The following SCFD1 variants were observed in gnomAD, a reference collection of about 807,000 sequenced individuals.
The protein encoded by SCFD1 is sec1 family domain-containing protein 1.
In SCFD1, 37 loss-of-function variants were observed where a neutral mutation model predicts 103.2. The observed-to-expected ratio is 0.36, with a 90% CI of 0.28 to 0.47. The LOEUF (loss-of-function observed/expected upper bound fraction) is 0.47. SCFD1 is among the 20% of genes least tolerant of loss of function. The pLI, the probability that SCFD1 is intolerant of heterozygous loss-of-function variation, is 1.00. For synonymous variants in SCFD1, 264 were observed against 245.0 expected, an observed-to-expected ratio of 1.08 and a Z score of -0.73; for missense variants, 639 against 761.2, an observed-to-expected ratio of 0.84 and a Z score of 1.89.
At chr14:30,630,347 T>A in intron 2 of SCFD1, 130 bp from the exon 3 acceptor site, 1 of 665,016 alleles carries the variant, frequency 1.5e-6, no homozygotes, top group Non-Finnish European at 2.7e-6. Context: ...ATGGAAAATG[T>A]TAAATTGAGG....
In SCFD1 at chr14:30,650,611, G is replaced by C. The variant is rs1395436463; in HGVS notation, c.716G>C (p.Ser239Thr). Residue 239 changes from serine (S) to threonine (T), a missense_variant, in exon 9 of 25, where the codon AGT becomes ACT. Physicochemically the swap from Ser to Thr is moderately conservative, Grantham distance 58. Transcript: ENST00000458591. ...LRENLRDARNSLFTGDTLGAG... is the reference protein window; with the variant it reads ...LRENLRDARNTLFTGDTLGAG... ...GAAAATCTAAGAGATGCAAGAAACA[G>C]TCTTTTTACAGGTGATACACTTGGA... is the stretch of plus-strand genomic sequence containing the variant. 1 of 1,610,646 alleles carries C rather than the reference G, an allele frequency of 6.2e-7. No homozygotes were observed.
intron 5 of SCFD1, among the ~76,000 whole-genome samples, chr14:30,638,878 T>A (rs894892072): frequency 1.3e-5 from 2 of 152,218 alleles, no homozygotes; most frequent in African/African-American, 4.8e-5. Flanking sequence ...TCCAGACAAC[T>A]ATCTAGGACA....
Position 30,699,434 on chromosome 14 carries a change from A to G in SCFD1, c.1340-754A>G, listed in dbSNP as rs188329650. On this transcript the variant is annotated intron_variant, in intron 15 of 24. Coordinates refer to ENST00000458591, the MANE Select transcript of SCFD1 (RefSeq NM_016106.4). ...CAATGCTTTATCACCTTTCCACCAA[A>G]GTGCACATACATGATAGAAGAACAG... is the stretch of plus-strand genomic sequence containing the variant. Among the ~76,000 whole-genome samples, 31 of 152,232 alleles carry G rather than the reference A, an allele frequency of 2.0e-4. No homozygotes were observed. In the East Asian group the frequency reaches 5.8e-3, roughly 28 times the overall value.
chr14:30,727,687 CT>C (rs1276786632), intron 23 of SCFD1, among the ~76,000 whole-genome samples: 4 of 152,090 alleles, frequency 2.6e-5, no homozygotes, highest in African/African-American at 9.7e-5. Flanking sequence ...AGAGTAAAGA[CT>C]TTTCCTCCTT....
intron 23 of SCFD1, among the ~76,000 whole-genome samples, chr14:30,731,625 G>C (rs1893474162): frequency 6.6e-6 from 1 of 152,268 alleles, no homozygotes; most frequent in South Asian, 2.1e-4. Context: ...TTGTGAATGG[G>C]AGTTCACTCA....
chr14:30,671,486 G>C (rs981159136), intron 11 of SCFD1, among the ~76,000 whole-genome samples: 6 of 152,162 alleles, frequency 3.9e-5, no homozygotes, highest in African/African-American at 1.4e-4. Context: ...TTCCCTAATA[G>C]AGAAAAGCTT....
intron 10 of SCFD1, among the ~76,000 whole-genome samples, chr14:30,656,813 A>C (rs542732931): frequency 6.6e-6 from 1 of 152,264 alleles, no homozygotes; most frequent in East Asian, 1.9e-4. Flanking sequence ...AGAGCAAGAA[A>C]GAACAGGGAA....
intron 9 of SCFD1, among the ~76,000 whole-genome samples, chr14:30,650,930 A>T (rs958705149): frequency 2.6e-5 from 4 of 152,100 alleles, no homozygotes; most frequent in African/African-American, 9.7e-5. Flanking sequence ...TTCAATTATC[A>T]TTAAACCGCT....
intron 16 of SCFD1, 67 bp from the exon 17 acceptor site, chr14:30,702,229 A>C: frequency 9.5e-7 from 1 of 1,055,588 alleles, no homozygotes; most frequent in Non-Finnish European, 1.4e-6. Flanking sequence ...TAATTAATCA[A>C]ATGGCAACAA....
At chr14:30,645,351 G>GT (rs1459685996) in intron 7 of SCFD1, among the ~76,000 whole-genome samples, 4 of 152,286 alleles carry the variant, frequency 2.6e-5, no homozygotes, top group African/African-American at 9.6e-5. Context: ...TTTTAGAAAA[G>GT]TTTTTTCTAA....
chr14:30,673,016 A>G (rs951145671), intron 11 of SCFD1, among the ~76,000 whole-genome samples: 1 of 152,174 alleles, frequency 6.6e-6, no homozygotes, highest in African/African-American at 2.4e-5. Flanking sequence ...AAAAATAGAA[A>G]TGAAATTTAA....
chr14:30,725,281 G>A (rs1163757922), intron 23 of SCFD1, among the ~76,000 whole-genome samples: 1 of 152,086 alleles, frequency 6.6e-6, no homozygotes, highest in Admixed American at 6.5e-5. Flanking sequence ...GGGCAGTATG[G>A]CCATTTTAAT....
intron 14 of SCFD1, among the ~76,000 whole-genome samples, chr14:30,692,028 C>T (rs902883909): frequency 6.6e-6 from 1 of 151,810 alleles, no homozygotes; most frequent in Non-Finnish European, 1.5e-5. Flanking sequence ...TCAAGCGATC[C>T]TCTCACCTCA....
At chr14:30,670,764 A>G (rs907368041) in intron 11 of SCFD1, among the ~76,000 whole-genome samples, 4 of 152,038 alleles carry the variant, frequency 2.6e-5, no homozygotes, top group African/African-American at 9.7e-5. Flanking sequence ...TGTTGCCCTC[A>G]TGTAAACCTT....
chr14:30,660,548 A>G (rs1887349313), intron 10 of SCFD1, among the ~76,000 whole-genome samples: 1 of 152,056 alleles, frequency 6.6e-6, no homozygotes, highest in South Asian at 2.1e-4. Flanking sequence ...CTTTATTTTA[A>G]TTACTGATGG....
intron 17 of SCFD1, among the ~76,000 whole-genome samples, chr14:30,705,447 A>G (rs1377697883): frequency 6.6e-6 from 1 of 152,158 alleles, no homozygotes; most frequent in Non-Finnish European, 1.5e-5. Context: ...AAAAATAGGA[A>G]GTTTGGAAAA....
At chr14:30,694,647 CT>C (rs1288617575) in intron 14 of SCFD1, 125 bp from the exon 15 acceptor site, 2 of 1,322,250 alleles carry the variant, frequency 1.5e-6, no homozygotes, top group African/African-American at 3.1e-5. Flanking sequence ...CTGAACTGTA[CT>C]TTTGACCTGT....
At chr14:30,711,719 TTAA>T (rs1296364006) in intron 19 of SCFD1, among the ~76,000 whole-genome samples, 3 of 152,046 alleles carry the variant, frequency 2.0e-5, no homozygotes, top group Admixed American at 1.3e-4. Context: ...TATAAATTAT[TTAA>T]TAATTATTAA....
intron 10 of SCFD1, among the ~76,000 whole-genome samples, chr14:30,667,736 A>G (rs1214094786): frequency 6.6e-6 from 1 of 152,222 alleles, no homozygotes; most frequent in East Asian, 1.9e-4. Flanking sequence ...ATGTGCAAAA[A>G]TCACAAGCAT....
Sources: allele counts gnomAD v4.1 joint callset (sites outside exome capture counted in the v4.1 genomes callset), GRCh38; gene constraint gnomAD v4.1.1; transcripts MANE v1.5; gene names NCBI Gene and HGNC (gene_info 2026-07-23, HGNC 2026-07-21).